The following PYGO1 variants were observed in gnomAD, a reference collection of about 807,000 sequenced individuals.
PYGO1 encodes pygopus homolog 1.
PYGO1 carries 6 observed loss-of-function variants against 29.5 expected under a neutral mutation model. That is an observed-to-expected ratio of 0.20 (90% CI 0.11 to 0.40). The LOEUF is 0.40. Among genes scored for constraint, PYGO1 ranks in the 10% least tolerant of loss-of-function variants. The pLI, the probability that PYGO1 is intolerant of heterozygous loss-of-function variation, is 1.00. For missense variants in PYGO1, 515 were observed against 514.9 expected (o/e 1.00, Z 0.00); for synonymous variants, 186 against 180.5 (o/e 1.03, Z -0.24).
At chr15:55,581,307 G>T (rs1024457328) in intron 1 of PYGO1, among the ~76,000 whole-genome samples, 1 of 152,174 alleles carries the variant, frequency 6.6e-6, no homozygotes, top group African/African-American at 2.4e-5. Flanking sequence ...GAGAGACCAG[G>T]ACAACATTTA....
At chr15:55,548,782 G>C (rs1464989238) in intron 2 of PYGO1, 128 bp downstream of exon 2, 1 of 303,824 alleles carries the variant, frequency 3.3e-6, no homozygotes, top group Non-Finnish European at 5.6e-6. Flanking sequence ...TTGATTGAAA[G>C]TACAATGAAT....
intron 1 of PYGO1, among the ~76,000 whole-genome samples, chr15:55,580,578 C>T (rs1180014471): frequency 1.3e-5 from 2 of 152,204 alleles, no homozygotes; most frequent in Non-Finnish European, 2.9e-5. Context: ...TTATTATTCT[C>T]ACTTTGCAGC....
chr15:55,549,773 GAA>G (rs1315174419), intron 1 of PYGO1, among the ~76,000 whole-genome samples: 1 of 152,192 alleles, frequency 6.6e-6, no homozygotes, highest in Non-Finnish European at 1.5e-5. Flanking sequence ...AAGAGTTTAT[GAA>G]AGGAATTTTT....
At chr15:55,585,660 G>C (rs1455075720) in intron 1 of PYGO1, among the ~76,000 whole-genome samples, 2 of 152,098 alleles carry the variant, frequency 1.3e-5, no homozygotes, top group Non-Finnish European at 2.9e-5. Context: ...CTACGCCATA[G>C]AACTTAACAG....
chr15:55,559,669 T>TC (rs1420448219), intron 1 of PYGO1, among the ~76,000 whole-genome samples: 1 of 152,138 alleles, frequency 6.6e-6, no homozygotes, highest in Non-Finnish European at 1.5e-5. Flanking sequence ...AAGGAGGGAC[T>TC]CCTCCCTAAC....
intron 1 of PYGO1, among the ~76,000 whole-genome samples, chr15:55,565,010 G>C (rs2058949095): frequency 6.6e-6 from 1 of 152,028 alleles, no homozygotes; most frequent in Non-Finnish European, 1.5e-5. Context: ...GACTCTTTCT[G>C]CTTTCAATGT....
chr15:55,586,529 C>T (rs1293597491), intron 1 of PYGO1, among the ~76,000 whole-genome samples: 1 of 152,142 alleles, frequency 6.6e-6, no homozygotes, highest in Non-Finnish European at 1.5e-5. Context: ...TATCTATCAC[C>T]TTTGCTCACT....
At chr15:55,572,099 AG>A (rs2058982679) in intron 1 of PYGO1, among the ~76,000 whole-genome samples, 1 of 152,222 alleles carries the variant, frequency 6.6e-6, no homozygotes, top group South Asian at 2.1e-4. Flanking sequence ...GAACCACTAA[AG>A]ATTCTGAATA....
At position 55,572,118 on chromosome 15, in the gene PYGO1, C is replaced by T. The variant is rs576395254; in HGVS notation, c.49+15717G>A. On this transcript the variant is annotated intron_variant, in intron 1 of 2. Coordinates refer to ENST00000563719, the MANE Select transcript of PYGO1 (RefSeq NM_001367806.1). ...CACTAAAGATTCTGAATAGCCTAAG[C>T]AATCTTGACAAACAAGTGAACAAAA... Among the ~76,000 whole-genome samples, 10 of 152,232 alleles carry T rather than the reference C, an allele frequency of 6.6e-5. No homozygotes were observed. In the South Asian group the frequency reaches 1.2e-3, roughly 19 times the overall value.
chr15:55,558,666 C>G (rs962273797), intron 1 of PYGO1, among the ~76,000 whole-genome samples: 4 of 151,818 alleles, frequency 2.6e-5, no homozygotes, highest in African/African-American at 9.7e-5. Flanking sequence ...ACCAATGGAA[C>G]AGAACAGAGC....
At chr15:55,566,199 T>C (rs1008939662) in intron 1 of PYGO1, among the ~76,000 whole-genome samples, 1 of 152,132 alleles carries the variant, frequency 6.6e-6, no homozygotes, top group Non-Finnish European at 1.5e-5. Flanking sequence ...GTGCTGAGCA[T>C]AGGTTTTCAA....
rs2058821490 is a variant in PYGO1 at position 55,539,796 on chromosome 15, C to T, written c.*6227G>A. On this transcript the variant is annotated 3_prime_UTR_variant, in exon 3 of 3. Coordinates refer to ENST00000563719, the MANE Select transcript of PYGO1 (RefSeq NM_001367806.1). Reference sequence around the variant, plus strand: ...ATCAAAAGTACAAAATATACCATAACCATGCCGAATATGATGCAGTATAGA... The same window carrying T: ...ATCAAAAGTACAAAATATACCATAATCATGCCGAATATGATGCAGTATAGA... 1 of 151,926 alleles carries T rather than the reference C, an allele frequency of 6.6e-6. No individual in the cohort carries two copies. The highest frequency in any genetic ancestry group is 1.5e-5 in the Non-Finnish European group (1 of 67,894). 9.4% of individuals were successfully genotyped at this position (151,926 alleles called of 1,614,324 possible).
intron 1 of PYGO1, among the ~76,000 whole-genome samples, chr15:55,568,320 C>CTGTGTGTG (rs58177433): frequency 0.072 from 8,991 of 125,748 alleles, 505 homozygotes; most frequent in East Asian, 0.15. Context: ...TTCCTAGGTA[C>CTGTGTGTG]TGTGTGTGTG....
At position 55,546,991 on chromosome 15, in the gene PYGO1, A is replaced by G. The variant is rs781672918; in HGVS notation, c.292T>C (p.Phe98Leu). 1 of 1,614,076 alleles carries G rather than the reference A, an allele frequency of 6.2e-7. No homozygotes were observed. The change falls in exon 3 of 3, where the codon TTT (phenylalanine) becomes CTT (leucine). Residue 98 changes from phenylalanine to leucine, a missense_variant. Phe to Leu is a conservative substitution (Grantham distance 22, BLOSUM62 0). Coordinates refer to ENST00000563719, the MANE Select transcript of PYGO1 (RefSeq NM_001367806.1). ...ATTCTGAATGTACTATAGCCTCCAA[A>G]GCCAGGATAACCAGGGCCAAGATAT... Reference protein sequence around the residue: ...NPYLGPGYPGFGGYSTFRMPP... With the variant: ...NPYLGPGYPGLGGYSTFRMPP...
chr15:55,552,333 C>A (rs1037194421), intron 1 of PYGO1, among the ~76,000 whole-genome samples: 1 of 141,274 alleles, frequency 7.1e-6, no homozygotes, highest in Non-Finnish European at 1.5e-5. Flanking sequence ...TGCACTCCAG[C>A]CTGGGCAAAA....
chr15:55,550,080 C>T (rs368035597), intron 1 of PYGO1, among the ~76,000 whole-genome samples: 1 of 152,146 alleles, frequency 6.6e-6, no homozygotes, highest in Non-Finnish European at 1.5e-5. Context: ...TAATTTCATA[C>T]CCAATCCAAT....
rs1431398448 is a variant in PYGO1, at chr15:55,588,252, G to A, written c.-369C>T. On this transcript the variant is annotated 5_prime_UTR_variant, in exon 1 of 3. Transcript: ENST00000563719. ...GCCGCCTCAGGAGCCGCTGACAGGG[G>A]AAGCAGGAGGCTCGCGGCCCGGCCC... Among the ~76,000 whole-genome samples, 2 of 149,060 alleles carry A rather than the reference G, an allele frequency of 1.3e-5. No individual in the cohort carries two copies. Among genetic ancestry groups the A allele is most frequent in the Admixed American group, 6.7e-5 (1 of 15,014 alleles).
At chr15:55,563,152 GAA>G (rs2058940467) in intron 1 of PYGO1, among the ~76,000 whole-genome samples, 1 of 151,960 alleles carries the variant, frequency 6.6e-6, no homozygotes, top group African/African-American at 2.4e-5. Context: ...TCACTAAAGT[GAA>G]AAGACAACCC....
intron 1 of PYGO1, among the ~76,000 whole-genome samples, chr15:55,583,498 C>T (rs377330710): frequency 8.0e-5 from 10 of 125,228 alleles, no homozygotes; most frequent in African/African-American, 3.1e-4. Flanking sequence ...TAATCTTTTA[C>T]CACATTTTTT....
Sources: gnomAD v4.1 joint callset for allele counts (sites outside exome capture counted in the v4.1 genomes callset) on GRCh38, gnomAD v4.1.1 for gene constraint, MANE v1.5 for transcripts, NCBI Gene and HGNC (gene_info 2026-07-23, HGNC 2026-07-21) for gene names.